EDAR: variants seen among roughly 807,000 people sequenced by gnomAD.
The protein encoded by EDAR is ectodysplasin A receptor, also known as tumor necrosis factor receptor superfamily member EDAR.
In EDAR, 38 loss-of-function variants were observed where a neutral mutation model predicts 51.3. The observed-to-expected ratio is 0.74, with a 90% CI of 0.57 to 0.97. The LOEUF (loss-of-function observed/expected upper bound fraction) is 0.97, where lower values mean the gene tolerates loss of function less well. Ranked by LOEUF, EDAR falls within the 50% of genes least tolerant of loss-of-function variation. The pLI is 0.00. For synonymous variants in EDAR, 227 were observed against 242.1 expected (o/e 0.94, Z 0.58); for missense variants, 528 against 595.0 (o/e 0.89, Z 1.17).
intron 1 of EDAR, among the ~76,000 whole-genome samples, chr2:108,934,209 T>C (rs1010842636): frequency 2.0e-5 from 3 of 152,150 alleles, no homozygotes; most frequent in African/African-American, 7.2e-5. Context: ...TGTTTCATTA[T>C]TGTTACCAAT....
intron 1 of EDAR, among the ~76,000 whole-genome samples, chr2:108,953,347 C>G (rs1423285551): frequency 3.3e-5 from 5 of 152,162 alleles, no homozygotes. Context: ...CTGGGACTTT[C>G]TTCTGTGCAG....
At chr2:108,907,721 C>G in intron 10 of EDAR, 139 bp downstream of exon 10, 1 of 948,644 alleles carries the variant, frequency 1.1e-6, no homozygotes, top group Non-Finnish European at 1.7e-6. Context: ...GAACTTGTCA[C>G]TGTCCAGGTC....
chr2:108,898,383 G>T (rs935980446), intron 11 of EDAR, among the ~76,000 whole-genome samples: 4 of 152,168 alleles, frequency 2.6e-5, no homozygotes, highest in Admixed American at 1.3e-4. Context: ...TGTTAGTGAA[G>T]GTTGAGTGGG....
At chr2:108,924,944 G>A (rs1697225459) in intron 4 of EDAR, among the ~76,000 whole-genome samples, 1 of 152,216 alleles carries the variant, frequency 6.6e-6, no homozygotes, top group Non-Finnish European at 1.5e-5. Context: ...GGCCCACGCT[G>A]ACACTTCTGA....
At chr2:108,987,446 C>A (rs914339921) in intron 1 of EDAR, among the ~76,000 whole-genome samples, 2 of 152,210 alleles carry the variant, frequency 1.3e-5, no homozygotes, top group Non-Finnish European at 2.9e-5. Context: ...CAAGAGGGTA[C>A]CATGATGCCT....
Position 108,923,458 on chromosome 2 carries a change from G to C in EDAR, c.357-5C>G, listed in dbSNP as rs540520804. On this transcript the variant is annotated splice_polypyrimidine_tract_variant and splice_region_variant and intron_variant, in intron 4 of 11. Transcript: ENST00000258443. Reference sequence around the variant, plus strand: ...CTGTTCTCCAGCATGTAGTAGCTACGGGGGAGAGACAAGACAAAACAGAGA... The same window carrying C: ...CTGTTCTCCAGCATGTAGTAGCTACCGGGGAGAGACAAGACAAAACAGAGA... 1.2e-6 allele frequency: 2 copies of C among 1,613,794 alleles called. No individual in the cohort carries two copies. Among genetic ancestry groups the C allele is most frequent in the Non-Finnish European group, 8.5e-7 (1 of 1,179,710 alleles).
chr2:108,954,549 A>G (rs1697884099), intron 1 of EDAR, among the ~76,000 whole-genome samples: 1 of 152,066 alleles, frequency 6.6e-6, no homozygotes, highest in Non-Finnish European at 1.5e-5. Flanking sequence ...TTTTCATCTT[A>G]GTCAACGCTC....
intron 5 of EDAR, among the ~76,000 whole-genome samples, chr2:108,916,260 C>T (rs1048541958): frequency 1.3e-5 from 2 of 152,180 alleles, no homozygotes; most frequent in Non-Finnish European, 2.9e-5. Context: ...AAAGAACAGC[C>T]GTGGGCTGTC....
chr2:108,963,278 T>C (rs1698088201), intron 1 of EDAR, among the ~76,000 whole-genome samples: 1 of 152,202 alleles, frequency 6.6e-6, no homozygotes, highest in Admixed American at 6.5e-5. Flanking sequence ...GATCACGCAC[T>C]ACACACTGTT....
intron 1 of EDAR, among the ~76,000 whole-genome samples, chr2:108,972,769 T>G (rs1168617142): frequency 6.6e-6 from 1 of 152,186 alleles, no homozygotes; most frequent in East Asian, 1.9e-4. Context: ...ATGCTGAGAC[T>G]CAGAAGGGGG....
intron 5 of EDAR, among the ~76,000 whole-genome samples, chr2:108,922,850 C>T (rs1697175340): frequency 6.6e-6 from 1 of 152,132 alleles, no homozygotes; most frequent in South Asian, 2.1e-4. Context: ...CCATGAAAGC[C>T]AGAAAGGATA....
chr2:108,917,777 CA>C (rs1273774051), intron 5 of EDAR, among the ~76,000 whole-genome samples: 3 of 152,082 alleles, frequency 2.0e-5, no homozygotes, highest in Non-Finnish European at 4.4e-5. Flanking sequence ...ATATAACCCA[CA>C]AGAACAGGTG....
intron 1 of EDAR, among the ~76,000 whole-genome samples, chr2:108,944,541 C>T (rs1457872611): frequency 6.6e-6 from 1 of 152,228 alleles, no homozygotes; most frequent in Non-Finnish European, 1.5e-5. Context: ...GTGAAGCAGG[C>T]TCTCCTGGAT....
chr2:108,988,921 G>GAA (rs1169866336), intron 1 of EDAR, 39 bp downstream of exon 1: 1 of 152,220 alleles, frequency 6.6e-6, no homozygotes, highest in African/African-American at 2.4e-5. Flanking sequence ...GGCCACAGCT[G>GAA]AAGAGTTTAG....
At chr2:108,949,806 A>G (rs540822392) in intron 1 of EDAR, among the ~76,000 whole-genome samples, 1 of 152,228 alleles carries the variant, frequency 6.6e-6, no homozygotes, top group East Asian at 1.9e-4. Context: ...TATGTAGCCA[A>G]TGATTTATCA....
At chr2:108,963,147 T>C (rs1427261722) in intron 1 of EDAR, among the ~76,000 whole-genome samples, 1 of 152,214 alleles carries the variant, frequency 6.6e-6, no homozygotes, top group Non-Finnish European at 1.5e-5. Context: ...CACTTGACTG[T>C]GTGCACGAGT....
chr2:108,952,146 A>G (rs982241903), intron 1 of EDAR, among the ~76,000 whole-genome samples: 1 of 152,240 alleles, frequency 6.6e-6, no homozygotes, highest in Non-Finnish European at 1.5e-5. Flanking sequence ...GTGGCATTTG[A>G]TATCATCTCA....
intron 1 of EDAR, among the ~76,000 whole-genome samples, chr2:108,980,184 G>A (rs1487561463): frequency 6.6e-6 from 1 of 152,058 alleles, no homozygotes; most frequent in Non-Finnish European, 1.5e-5. Flanking sequence ...CTATTTCAAG[G>A]TCTCCTGGTT....
intron 1 of EDAR, among the ~76,000 whole-genome samples, chr2:108,955,647 A>C (rs895049234): frequency 6.6e-6 from 1 of 151,600 alleles, no homozygotes; most frequent in Non-Finnish European, 1.5e-5. Flanking sequence ...CGGAGGTTGC[A>C]GTGAGCCGAG....
Sources: allele counts gnomAD v4.1 joint callset (sites outside exome capture counted in the v4.1 genomes callset), GRCh38; gene constraint gnomAD v4.1.1; transcripts MANE v1.5; gene names NCBI Gene and HGNC (gene_info 2026-07-23, HGNC 2026-07-21).